The following RBMS3 variants were observed in gnomAD, a reference collection of about 807,000 sequenced individuals.
The protein encoded by RBMS3 is RNA-binding motif, single-stranded-interacting protein 3.
In RBMS3, 27 loss-of-function variants were observed where a neutral mutation model predicts 66.8. The observed-to-expected ratio is 0.40, with a 90% CI of 0.30 to 0.56. The LOEUF is 0.56. Ranked by LOEUF, RBMS3 falls within the 20% of genes least tolerant of loss-of-function variation. The pLI, the probability that RBMS3 is intolerant of heterozygous loss-of-function variation, is 0.40. For synonymous variants in RBMS3, 188 were observed against 183.0 expected (o/e 1.03, Z -0.22); for missense variants, 513 against 549.5 (o/e 0.93, Z 0.66).
At chr3:29,642,973 A>T (rs1305642999) in intron 4 of RBMS3, among the ~76,000 whole-genome samples, 1 of 152,102 alleles carries the variant, frequency 6.6e-6, no homozygotes, top group African/African-American at 2.4e-5. Flanking sequence ...TTACCATCAG[A>T]GATTAAGCCT....
At chr3:29,337,501 T>C (rs2036022802) in intron 1 of RBMS3, among the ~76,000 whole-genome samples, 1 of 151,960 alleles carries the variant, frequency 6.6e-6, no homozygotes, top group Non-Finnish European at 1.5e-5. Context: ...TAGCTGGTCA[T>C]GGTGGCATGA....
intron 3 of RBMS3, among the ~76,000 whole-genome samples, chr3:29,491,360 G>A (rs2043536324): frequency 6.6e-6 from 1 of 152,150 alleles, no homozygotes; most frequent in Non-Finnish European, 1.5e-5. Context: ...CTCCAAAGTG[G>A]GATGTGTGAA....
chr3:29,529,262 T>C (rs1446428122), intron 3 of RBMS3, among the ~76,000 whole-genome samples: 1 of 152,212 alleles, frequency 6.6e-6, no homozygotes, highest in East Asian at 1.9e-4. Flanking sequence ...AAACCTACCA[T>C]ATTTGAGAGG....
intron 4 of RBMS3, among the ~76,000 whole-genome samples, chr3:29,609,205 C>T (rs776361863): frequency 1.3e-4 from 20 of 151,986 alleles, no homozygotes; most frequent in Non-Finnish European, 2.8e-4. Flanking sequence ...GTCCCTGTTT[C>T]TTCTGAGACA....
At chr3:29,815,259 C>T (rs1435350235) in intron 6 of RBMS3, among the ~76,000 whole-genome samples, 1 of 152,164 alleles carries the variant, frequency 6.6e-6, no homozygotes, top group African/African-American at 2.4e-5. Flanking sequence ...TATCTGCACT[C>T]GAGCTTCCAT....
intron 1 of RBMS3, among the ~76,000 whole-genome samples, chr3:29,361,469 C>G (rs2037585059): frequency 6.6e-6 from 1 of 152,182 alleles, no homozygotes; most frequent in Non-Finnish European, 1.5e-5. Context: ...TTCTCTCTGT[C>G]TGCCCTTAAC....
intron 12 of RBMS3, among the ~76,000 whole-genome samples, chr3:29,975,944 C>T (rs1364963922): frequency 2.0e-5 from 3 of 151,844 alleles, no homozygotes; most frequent in Non-Finnish European, 4.4e-5. Context: ...ACTGAGTCTT[C>T]TAATTGAGGA....
intron 11 of RBMS3, among the ~76,000 whole-genome samples, chr3:29,936,645 T>A (rs2061272187): frequency 6.6e-6 from 1 of 152,080 alleles, no homozygotes. Context: ...GTAATTGAGG[T>A]ATAATCGAGT....
intron 3 of RBMS3, among the ~76,000 whole-genome samples, chr3:29,529,159 G>C (rs772795482): frequency 6.6e-6 from 1 of 152,200 alleles, no homozygotes; most frequent in Non-Finnish European, 1.5e-5. Context: ...AATTGAAAAT[G>C]AGTATAAAAA....
At chr3:29,828,362 T>C (rs148543673) in intron 6 of RBMS3, among the ~76,000 whole-genome samples, 56 of 152,292 alleles carry the variant, frequency 3.7e-4, no homozygotes, top group African/African-American at 1.3e-3. Flanking sequence ...AAGGGGCCAC[T>C]GGACAATATT....
chr3:29,878,274 C>A (rs1042678092), intron 7 of RBMS3, among the ~76,000 whole-genome samples: 3 of 152,002 alleles, frequency 2.0e-5, no homozygotes, highest in Non-Finnish European at 4.4e-5. Context: ...TACTGGTTTG[C>A]GGCCCCAGGG....
chr3:29,936,904 A>G (rs1458606731), intron 11 of RBMS3, among the ~76,000 whole-genome samples: 1 of 152,078 alleles, frequency 6.6e-6, no homozygotes, highest in African/African-American at 2.4e-5. Context: ...CAAGGAGGCA[A>G]AAGCCTAATA....
At chr3:29,317,350 C>A (rs2034743407) in intron 1 of RBMS3, among the ~76,000 whole-genome samples, 1 of 151,720 alleles carries the variant, frequency 6.6e-6, no homozygotes, top group Non-Finnish European at 1.5e-5. Flanking sequence ...AGGAGACTTA[C>A]AGTAGCATAT....
At chr3:29,836,443 C>A (rs1390118766) in intron 6 of RBMS3, among the ~76,000 whole-genome samples, 1 of 151,850 alleles carries the variant, frequency 6.6e-6, no homozygotes, top group Non-Finnish European at 1.5e-5. Context: ...CACTGGGGTG[C>A]AAGCCAAACA....
At chr3:29,653,673 C>T (rs1447215085) in intron 4 of RBMS3, among the ~76,000 whole-genome samples, 2 of 152,062 alleles carry the variant, frequency 1.3e-5, no homozygotes, top group Non-Finnish European at 2.9e-5. Flanking sequence ...GGTTTTGGCC[C>T]ATAAAAGTTG....
intron 6 of RBMS3, among the ~76,000 whole-genome samples, chr3:29,855,818 C>A (rs985728316): frequency 2.6e-5 from 4 of 152,120 alleles, no homozygotes; most frequent in Admixed American, 2.6e-4. Context: ...CTGGAAAATA[C>A]ATAAGCTTGC....
intron 1 of RBMS3, among the ~76,000 whole-genome samples, chr3:29,304,600 G>T (rs1476394867): frequency 3.3e-5 from 5 of 151,970 alleles, no homozygotes; most frequent in Admixed American, 2.0e-4. Context: ...GTATGGGAAT[G>T]TTGTAATCTG....
chr3:29,732,518 A>T (rs1044684643), intron 4 of RBMS3, among the ~76,000 whole-genome samples: 4 of 152,182 alleles, frequency 2.6e-5, no homozygotes, highest in Admixed American at 1.3e-4. Flanking sequence ...AAAATTAACT[A>T]TCACACAAAT....
intron 2 of RBMS3, among the ~76,000 whole-genome samples, chr3:29,473,151 A>G (rs539061018): frequency 6.7e-4 from 102 of 151,500 alleles, no homozygotes; most frequent in Non-Finnish European, 1.2e-3. Context: ...TCCCTTAGCT[A>G]GACATAAAGT....
Sources: allele counts gnomAD v4.1 joint callset (sites outside exome capture counted in the v4.1 genomes callset), GRCh38; gene constraint gnomAD v4.1.1; transcripts MANE v1.5; gene names NCBI Gene and HGNC (gene_info 2026-07-23, HGNC 2026-07-21).